CFAP44: variants seen among roughly 807,000 people sequenced by gnomAD.
CFAP44 encodes cilia and flagella associated protein 44, also known as cilia- and flagella-associated protein 44.
CFAP44 carries 134 observed loss-of-function variants against 216.2 expected under a neutral mutation model. That is an observed-to-expected ratio of 0.62 (90% CI 0.54 to 0.72). The LOEUF is 0.72. Ranked by LOEUF, CFAP44 falls within the 30% of genes least tolerant of loss-of-function variation. CFAP44 has a pLI of 0.00. For missense variants in CFAP44, 2,035 were observed against 2,182.1 expected (o/e 0.93, Z 1.34); for synonymous variants, 700 against 727.6 (o/e 0.96, Z 0.61).
rs749515093 is a variant in CFAP44 at position 113,308,186 on chromosome 3, C to T, written c.4599G>A (p.Glu1533=). Residue 1533 remains glutamate, a synonymous_variant, in exon 29 of 35, where the codon GAG becomes GAA. Coordinates refer to ENST00000393845, the MANE Select transcript of CFAP44 (RefSeq NM_001164496.2). ...SDEDESESED[E]VFDDSICPTN... ...TTGGGCAAATAGAATCATCAAAAAC[C>T]TCATCTTCTGATTCAGACTCATCTT... is the stretch of plus-strand genomic sequence containing the variant. The T allele has an allele frequency of 6.5e-6, 10 of 1,535,074 alleles. No individual in the cohort carries two copies. The South Asian group carries it at 9.6e-5, about 15-fold the overall frequency.
At chr3:113,342,188 CCAGCCGTGG>C (rs1315356579) in intron 23 of CFAP44, among the ~76,000 whole-genome samples, 21 of 151,916 alleles carry the variant, frequency 1.4e-4, no homozygotes, top group Admixed American at 1.4e-3. Flanking sequence ...CAAAAATTAG[CCAGCCGTGG>C]TGGTGCATTC....
At chr3:113,429,520 C>A (rs143156033) in intron 2 of CFAP44, among the ~76,000 whole-genome samples, 1 of 152,006 alleles carries the variant, frequency 6.6e-6, no homozygotes, top group Non-Finnish European at 1.5e-5. Flanking sequence ...ATGCTTAACA[C>A]GTGTTTTCTA....
At position 113,330,651 on chromosome 3, in the gene CFAP44, C is replaced by T. The variant is rs760653649; in HGVS notation, c.3633G>A (p.Arg1211=). ...HLDSLVHGNK[R]HMNKCILSLR... ...GAGAGAGAATGCACTTGTTCATGTGCCTTTTATTTCCATGGACCTGAAAAA... is the reference window on the plus strand; with the variant it reads ...GAGAGAGAATGCACTTGTTCATGTGTCTTTTATTTCCATGGACCTGAAAAA... Residue 1211 remains arginine (R), a synonymous_variant, in exon 26 of 35, where the codon AGG becomes AGA. Transcript: ENST00000393845. 1 of 1,531,398 alleles carries T rather than the reference C, an allele frequency of 6.5e-7. No individual in the cohort carries two copies. Among genetic ancestry groups the T allele is most frequent in the South Asian group, 1.2e-5 (1 of 82,356 alleles). The allele number at this position is 1,531,398 out of a possible 1,614,324, so 94.9% of individuals were successfully genotyped here.
intron 17 of CFAP44, among the ~76,000 whole-genome samples, chr3:113,375,946 T>C (rs1933330299): frequency 6.6e-6 from 1 of 150,804 alleles, no homozygotes; most frequent in Non-Finnish European, 1.5e-5. Flanking sequence ...CAATAGAAGG[T>C]AAAAAAAAGG....
intron 2 of CFAP44, among the ~76,000 whole-genome samples, chr3:113,430,121 A>C (rs1935065456): frequency 6.6e-6 from 1 of 152,114 alleles, no homozygotes; most frequent in African/African-American, 2.4e-5. Flanking sequence ...TATAGAATAG[A>C]TATGTTCTCT....
At chr3:113,353,538 T>C (rs1051968469) in intron 22 of CFAP44, among the ~76,000 whole-genome samples, 1 of 151,492 alleles carries the variant, frequency 6.6e-6, no homozygotes, top group Non-Finnish European at 1.5e-5. Context: ...AAGCCAAACA[T>C]AGGCTGCTAT....
At chr3:113,375,574 T>C (rs1438221721) in intron 17 of CFAP44, among the ~76,000 whole-genome samples, 1 of 152,190 alleles carries the variant, frequency 6.6e-6, no homozygotes, top group East Asian at 1.9e-4. Flanking sequence ...AACACTGTGG[T>C]AGATAATGGC....
At position 113,341,865 on chromosome 3, in the gene CFAP44, G is replaced by T. The variant is rs755410376; in HGVS notation, c.3316C>A (p.Arg1106=). The T allele has an allele frequency of 7.2e-6, 11 of 1,530,946 alleles. No individual in the cohort carries two copies. In the South Asian group the frequency reaches 8.6e-5, roughly 12 times the overall value. The allele number at this position is 1,530,946 out of a possible 1,614,324, so 94.8% of individuals were successfully genotyped here. A position where few individuals can be genotyped will look rare whatever the true frequency, so the allele number is the denominator to read the frequency against. ...ESIIEKGKKF[R]PKTLSEIIVE... ...ATGATTTCACTTAGGGTTTTAGGCC[G>T]AAATTTCTTCCCTTTTTCTATTATT... Residue 1106 remains arginine, a synonymous_variant, in exon 24 of 35, where the codon CGG becomes AGG. Transcript: ENST00000393845.
chr3:113,294,516 A>G (rs1273571790), intron 34 of CFAP44, 171 bp downstream of exon 34: 2 of 781,108 alleles, frequency 2.6e-6, no homozygotes, highest in African/African-American at 1.8e-5. Context: ...CCTCAGGCCC[A>G]CTGTAATGTG....
chr3:113,352,347 C>A lies in CFAP44; in HGVS notation c.3065+6398G>T, dbSNP rs1046518864. ...CCTTCCATGCTGTGGAAGCTTTGTT[C>A]TTTCGCTCTTCACAATAAATCTTGC... On this transcript the variant is annotated intron_variant, in intron 22 of 34. Transcript: ENST00000393845. 2.0e-5 allele frequency among the ~76,000 whole-genome samples: 3 copies of A among 152,144 alleles called. No individual in the cohort carries two copies. The South Asian group carries it at 6.2e-4, about 32-fold the overall frequency.
At position 113,333,418 on chromosome 3, in the gene CFAP44, G is replaced by A. The variant is rs1162913303; in HGVS notation, c.3603C>T (p.His1201=). The A allele has an allele frequency of 1.3e-6, 2 of 1,536,680 alleles. No homozygotes were observed. The highest frequency in any genetic ancestry group is 1.2e-5 in the South Asian group (1 of 83,974). ...TGTAGATAAGTACCAAAGAATCTAG[G>A]TGTCCTAGTTCCTCTTCCTTCTTGG... ...NAAKKEEELG[H]LDSLVHGNKR... The change falls in exon 25 of 35, where the codon CAC becomes CAT. Residue 1201 remains histidine (H), a synonymous_variant. Coordinates refer to ENST00000393845, the MANE Select transcript of CFAP44 (RefSeq NM_001164496.2).
intron 28 of CFAP44, among the ~76,000 whole-genome samples, chr3:113,312,452 T>C (rs916980085): frequency 6.6e-6 from 1 of 152,058 alleles, no homozygotes; most frequent in African/African-American, 2.4e-5. Context: ...GACAATGTGA[T>C]AGAAAAGAAA....
intron 22 of CFAP44, among the ~76,000 whole-genome samples, 185 bp from the exon 23 acceptor site, chr3:113,344,897 C>G (rs1185273804): frequency 6.6e-6 from 1 of 151,704 alleles, no homozygotes; most frequent in East Asian, 1.9e-4. Context: ...GATTAAAGAG[C>G]AAATATAGTC....
Position 113,409,106 on chromosome 3 carries a change from T to C in CFAP44, c.890A>G (p.Lys297Arg), listed in dbSNP as rs1442577083. Residue 297 changes from lysine to arginine, a missense_variant and splice_region_variant, in exon 7 of 35, where the codon AAG (lysine) becomes AGG (arginine). Lys to Arg is a conservative substitution (Grantham distance 26). Coordinates refer to ENST00000393845, the MANE Select transcript of CFAP44 (RefSeq NM_001164496.2). ...CACCTCTATTGGTTACCCAACCTACTTGATGTGGCCTGATCCCGATGTAGT... is the reference window on the plus strand; with the variant it reads ...CACCTCTATTGGTTACCCAACCTACCTGATGTGGCCTGATCCCGATGTAGT... ...QLTTSGSGHI[K>R]FWEMAFTFTG... 5 of 1,609,982 alleles carry C rather than the reference T, an allele frequency of 3.1e-6. No homozygotes were observed. The East Asian group carries it at 1.1e-4, about 36-fold the overall frequency.
At chr3:113,317,307 G>A (rs955082712) in intron 28 of CFAP44, among the ~76,000 whole-genome samples, 2 of 152,212 alleles carry the variant, frequency 1.3e-5, no homozygotes, top group Non-Finnish European at 2.9e-5. Flanking sequence ...CTGACAGAGA[G>A]CGGCCATAGA....
chr3:113,398,277 C>T (rs1041699618), intron 13 of CFAP44, among the ~76,000 whole-genome samples: 3 of 151,940 alleles, frequency 2.0e-5, no homozygotes, highest in African/African-American at 7.3e-5. Flanking sequence ...CACACAAGCA[C>T]TAAGGGGAAG....
intron 15 of CFAP44, 58 bp downstream of exon 15, chr3:113,395,691 GA>G: frequency 7.0e-7 from 1 of 1,431,972 alleles, no homozygotes. Flanking sequence ...CTATCTACAA[GA>G]TAGTTTCACT....
chr3:113,384,746 C>T (rs1358011689), intron 15 of CFAP44, among the ~76,000 whole-genome samples: 1 of 152,162 alleles, frequency 6.6e-6, no homozygotes, highest in African/African-American at 2.4e-5. Flanking sequence ...TTTAAGCCAT[C>T]CACTTTGTTG....
chr3:113,429,987 T>G (rs1576609151), intron 2 of CFAP44, among the ~76,000 whole-genome samples: 1 of 152,086 alleles, frequency 6.6e-6, no homozygotes, highest in Non-Finnish European at 1.5e-5. Flanking sequence ...TGACCTGACA[T>G]TTATAAAACA....
Sources: gnomAD v4.1 joint callset for allele counts (sites outside exome capture counted in the v4.1 genomes callset) on GRCh38, gnomAD v4.1.1 for gene constraint, MANE v1.5 for transcripts, NCBI Gene and HGNC (gene_info 2026-07-23, HGNC 2026-07-21) for gene names.